WDPCP: variants seen among roughly 807,000 people sequenced by gnomAD.
WDPCP encodes the protein WD repeat containing planar cell polarity effector.
Under a neutral mutation model 93.1 loss-of-function variants are expected in WDPCP, and 71 were observed. The observed-to-expected ratio is 0.76, with a 90% CI of 0.63 to 0.93. The LOEUF is 0.93. Ranked by LOEUF, WDPCP falls within the 40% of genes least tolerant of loss-of-function variation. The pLI, the probability that WDPCP is intolerant of heterozygous loss-of-function variation, is 0.00. For missense variants in WDPCP, 844 were observed against 887.4 expected (o/e 0.95, Z 0.62); for synonymous variants, 315 against 315.0 (o/e 1.00, Z 0.00).
At chr2:63,824,719 T>C (rs908436808) in intron 1 of WDPCP, among the ~76,000 whole-genome samples, 4 of 151,966 alleles carry the variant, frequency 2.6e-5, no homozygotes, top group African/African-American at 9.7e-5. Flanking sequence ...GAGAAAATAA[T>C]AGTTTGGTCA....
chr2:63,365,905 T>C (rs1690865914), intron 12 of WDPCP, among the ~76,000 whole-genome samples: 1 of 152,220 alleles, frequency 6.6e-6, no homozygotes, highest in Non-Finnish European at 1.5e-5. Context: ...TATTTGTGTG[T>C]CATTCTTCAT....
chr2:63,263,935 A>G (rs551953793), intron 13 of WDPCP, among the ~76,000 whole-genome samples: 1 of 152,348 alleles, frequency 6.6e-6, no homozygotes, highest in South Asian at 2.1e-4. Flanking sequence ...AATGTTTACT[A>G]TGTGCCAGAT....
rs536024539 is a variant in WDPCP, at chr2:63,688,198, G to A, written n.309-37360C>T. 1.8e-4 allele frequency among the ~76,000 whole-genome samples: 28 copies of A among 152,190 alleles called. 1 individual carries two copies. The South Asian group carries it at 4.6e-3, about 25-fold the overall frequency. ...TCCTAGCACTTTGGGAGGCCGAGGC[G>A]GGCAGATCACGAGGTCAGGAGATCG... is the stretch of plus-strand genomic sequence containing the variant. On this transcript the variant is annotated intron_variant and non_coding_transcript_variant, in intron 2 of 4. Transcript: ENST00000467687.
At chr2:63,561,578 A>T (rs1051378844) in intron 1 of WDPCP, among the ~76,000 whole-genome samples, 1 of 152,160 alleles carries the variant, frequency 6.6e-6, no homozygotes, top group African/African-American at 2.4e-5. Flanking sequence ...AGAAACTATC[A>T]TCAGAGTGAA....
chr2:63,719,497 G>A (rs2103781163), intron 2 of WDPCP, among the ~76,000 whole-genome samples: 1 of 152,230 alleles, frequency 6.6e-6, no homozygotes, highest in Non-Finnish European at 1.5e-5. Context: ...GAGAATAACT[G>A]GCAAAACAAT....
In WDPCP at chr2:63,683,064, T is replaced by C. The variant is rs540929280; in HGVS notation, n.309-32226A>G. On this transcript the variant is annotated intron_variant and non_coding_transcript_variant, in intron 2 of 4. Transcript: ENST00000467687. ...TATAAGATAGTATTTGCAAGCCTCA[T>C]GGTAACCTCAAAAAAATATACAACT... Among the ~76,000 whole-genome samples, 176 of 152,188 alleles carry C rather than the reference T, an allele frequency of 1.2e-3. 1 individual carries two copies. The highest frequency in any genetic ancestry group is 4.1e-3 in the African/African-American group (169 of 41,536).
chr2:63,829,836 T>A (rs969538551), upstream of WDPCP, among the ~76,000 whole-genome samples: 2 of 152,106 alleles, frequency 1.3e-5, no homozygotes, highest in Non-Finnish European at 2.9e-5. Context: ...AGTATTACAA[T>A]TTTGTACATC....
At chr2:63,466,858 G>A (rs113509603) in intron 6 of WDPCP, among the ~76,000 whole-genome samples, 5,784 of 152,152 alleles carry the variant, frequency 0.038, 175 homozygotes, top group Non-Finnish European at 0.053. Flanking sequence ...CTTCCAAAAC[G>A]TTATTAGTCA....
chr2:63,523,779 C>T (rs940446957), intron 1 of WDPCP, among the ~76,000 whole-genome samples: 2 of 144,818 alleles, frequency 1.4e-5, no homozygotes, highest in African/African-American at 5.1e-5. Flanking sequence ...GGCATGGTGG[C>T]ACATGCCTGT....
intron 14 of WDPCP, among the ~76,000 whole-genome samples, chr2:63,182,648 T>G (rs903734511): frequency 1.3e-5 from 2 of 152,040 alleles, no homozygotes; most frequent in Non-Finnish European, 2.9e-5. Context: ...AGAATAATAC[T>G]GGCTCTGTAG....
At chr2:63,200,545 C>T (rs530664807) in intron 14 of WDPCP, among the ~76,000 whole-genome samples, 87 of 152,152 alleles carry the variant, frequency 5.7e-4, no homozygotes, top group African/African-American at 2.0e-3. Context: ...TGCAACAACA[C>T]GGATGGAAGT....
chr2:63,566,862 G>C (rs891029539), intron 1 of WDPCP, among the ~76,000 whole-genome samples: 5 of 152,144 alleles, frequency 3.3e-5, no homozygotes, highest in Non-Finnish European at 5.9e-5. Flanking sequence ...CCCTCCTCAG[G>C]TTCTGTAATT....
intron 2 of WDPCP, among the ~76,000 whole-genome samples, chr2:63,724,080 A>G (rs1669464875): frequency 6.6e-6 from 1 of 152,222 alleles, no homozygotes; most frequent in Non-Finnish European, 1.5e-5. Context: ...AGCAGTTTCT[A>G]TGAGAGATAA....
chr2:63,716,731 T>C (rs1215563114), intron 2 of WDPCP, among the ~76,000 whole-genome samples: 1 of 151,974 alleles, frequency 6.6e-6, no homozygotes, highest in Admixed American at 6.6e-5. Flanking sequence ...TATTGGAAAA[T>C]AAAAACTGGC....
chr2:63,557,599 A>T (rs1706226417), intron 1 of WDPCP, among the ~76,000 whole-genome samples: 1 of 151,652 alleles, frequency 6.6e-6, no homozygotes, highest in South Asian at 2.1e-4. Flanking sequence ...TTAGACAGAA[A>T]ATTAACGAGG....
At chr2:63,168,362 C>T (rs1673147408) in intron 15 of WDPCP, among the ~76,000 whole-genome samples, 1 of 151,488 alleles carries the variant, frequency 6.6e-6, no homozygotes, top group Non-Finnish European at 1.5e-5. Context: ...TTTTCATTTG[C>T]CTGAATATCT....
intron 3 of WDPCP, among the ~76,000 whole-genome samples, chr2:63,633,002 G>A (rs1292546485): frequency 6.6e-6 from 1 of 152,092 alleles, no homozygotes; most frequent in Non-Finnish European, 1.5e-5. Flanking sequence ...TCTCATACAA[G>A]GGAATCTTCA....
At position 63,378,452 on chromosome 2, in the gene WDPCP, G is replaced by C; in HGVS notation, c.1682C>G (p.Ser561Cys). 6.2e-7 allele frequency: 1 copy of C among 1,613,242 alleles called. No homozygotes were observed. The highest frequency in any genetic ancestry group is 1.1e-5 in the South Asian group (1 of 91,060). Residue 561 changes from serine to cysteine, a missense_variant, in exon 12 of 18, where the codon TCC (serine) becomes TGC (cysteine). Physicochemically the swap from Ser to Cys is moderately radical, Grantham distance 112 (BLOSUM62 -1). Coordinates refer to ENST00000272321, the MANE Select transcript of WDPCP (RefSeq NM_015910.7). ...TTGATCTCTATATTCCAATATAGTG[G>C]AATCCAGAAGTGGTCTTGTTGGAGC... ...FYAPTRPLLD[S>C]TILEYRDQIS...
intron 1 of WDPCP, among the ~76,000 whole-genome samples, chr2:63,569,726 C>A (rs1707342220): frequency 6.6e-6 from 1 of 152,206 alleles, no homozygotes; most frequent in Non-Finnish European, 1.5e-5. Context: ...CCAGTTAACA[C>A]TGTGTTGATA....
Sources: gnomAD v4.1 joint callset for allele counts (sites outside exome capture counted in the v4.1 genomes callset) on GRCh38, gnomAD v4.1.1 for gene constraint, MANE v1.5 for transcripts, NCBI Gene and HGNC (gene_info 2026-07-23, HGNC 2026-07-21) for gene names.